The following CD99L2 variants were observed in gnomAD, a reference collection of about 807,000 sequenced individuals.
CD99L2 encodes CD99 antigen-like protein 2.
A neutral mutation model predicts 27.3 loss-of-function variants in CD99L2; 24 were observed. That is an observed-to-expected ratio of 0.88 (90% CI 0.64 to 1.24). CD99L2 has a LOEUF of 1.24. CD99L2 is among the 50% of genes most tolerant of loss of function. The pLI is 0.00. For synonymous variants in CD99L2, 97 were observed against 87.9 expected, an observed-to-expected ratio of 1.10 and a Z score of -0.58; for missense variants, 255 against 221.6, an observed-to-expected ratio of 1.15 and a Z score of -0.96.
rs1056812047 is a variant in CD99L2 at position 150,875,979 on chromosome X, C to T, written c.67+22543G>A. Among the ~76,000 whole-genome samples, 8 of 112,251 alleles carry T rather than the reference C, an allele frequency of 7.1e-5. 1 individual carries two copies. The highest frequency in any genetic ancestry group is 3.7e-4 in the South Asian group (1 of 2,708). Reference sequence around the variant, plus strand: ...TCAGCAGCATGAAAACAGACTAATACAGAATTCTTCTAAGACTGCCTTTGT... The same window carrying T: ...TCAGCAGCATGAAAACAGACTAATATAGAATTCTTCTAAGACTGCCTTTGT... On this transcript the variant is annotated intron_variant, in intron 1 of 10. Transcript: ENST00000370377.
At chrX:150,777,932 T>C (rs2045429194) in intron 7 of CD99L2, among the ~76,000 whole-genome samples, 1 of 111,961 alleles carries the variant, frequency 8.9e-6, no homozygotes, top group Non-Finnish European at 1.9e-5. Flanking sequence ...TCTTGGAACA[T>C]AAACAAATGT....
chrX:150,811,553 A>G (rs1248665985), intron 4 of CD99L2, among the ~76,000 whole-genome samples: 2 of 111,782 alleles, frequency 1.8e-5, no homozygotes, highest in East Asian at 2.8e-4. Context: ...AAATAATCCA[A>G]TGAAATCAGT....
At chrX:150,771,006 G>C (rs781803537) in intron 9 of CD99L2, among the ~76,000 whole-genome samples, 1 of 112,407 alleles carries the variant, frequency 8.9e-6, no homozygotes, top group African/African-American at 3.2e-5. Flanking sequence ...AGGGATTCGG[G>C]GACTGTACCA....
At chrX:150,778,684 AAATATAT>A (rs547701719) in intron 7 of CD99L2, among the ~76,000 whole-genome samples, 4,678 of 23,516 alleles carry the variant, frequency 0.2, 129 homozygotes, top group South Asian at 0.41. Context: ...AAAAAAAAAA[AAATATAT>A]ATATATATAT....
At chrX:150,854,828 G>A (rs1455301918) in intron 1 of CD99L2, among the ~76,000 whole-genome samples, 4 of 110,939 alleles carry the variant, frequency 3.6e-5, no homozygotes, top group Non-Finnish European at 1.9e-5. Flanking sequence ...AGAGGCCCCC[G>A]ATTATGTGGC....
chrX:150,893,221 AG>A (rs1168780609), intron 1 of CD99L2, among the ~76,000 whole-genome samples: 3 of 111,954 alleles, frequency 2.7e-5, no homozygotes, highest in Non-Finnish European at 5.6e-5. Context: ...TAAGACTAAC[AG>A]GCAGAGTCCC....
At chrX:150,789,756 G>C (rs560699641) in intron 7 of CD99L2, among the ~76,000 whole-genome samples, 22 of 111,742 alleles carry the variant, frequency 2.0e-4, no homozygotes, top group South Asian at 1.9e-3. Context: ...ATGGTGGTGC[G>C]TATCTATGGT....
intron 2 of CD99L2, among the ~76,000 whole-genome samples, chrX:150,821,623 C>T (rs1455802729): frequency 1.8e-5 from 2 of 112,261 alleles, no homozygotes; most frequent in Non-Finnish European, 3.8e-5. Context: ...ACATGCAAAG[C>T]ATGGGCAACA....
chrX:150,862,023 AC>A (rs1274259613), intron 1 of CD99L2, among the ~76,000 whole-genome samples: 1 of 111,749 alleles, frequency 8.9e-6, no homozygotes, highest in Admixed American at 9.5e-5. Flanking sequence ...CTAAGACTAA[AC>A]CAGGAAGAAG....
intron 7 of CD99L2, among the ~76,000 whole-genome samples, chrX:150,778,342 G>A (rs782081797): frequency 2.7e-5 from 3 of 109,717 alleles, no homozygotes; most frequent in Non-Finnish European, 5.7e-5. Flanking sequence ...AGAGCCCGGG[G>A]TTCTCAGGGG....
chrX:150,778,285 C>T, intron 7 of CD99L2, among the ~76,000 whole-genome samples: 1 of 110,724 alleles, frequency 9.0e-6, no homozygotes, highest in South Asian at 3.9e-4. Flanking sequence ...TCATGCCACC[C>T]TCTTCTCAGG....
At chrX:150,771,771 C>T in intron 9 of CD99L2, 1 of 1,153,311 alleles carries the variant, frequency 8.7e-7, no homozygotes, top group East Asian at 3.3e-5. Flanking sequence ...AAGGCTGAAG[C>T]AAAAGGAAAG....
intron 9 of CD99L2, among the ~76,000 whole-genome samples, chrX:150,775,144 G>C (rs1323743738): frequency 8.9e-6 from 1 of 112,491 alleles, no homozygotes; most frequent in African/African-American, 3.2e-5. Flanking sequence ...TGGGACCCAG[G>C]TTAGTTTTCT....
chrX:150,867,893 A>T (rs1260776724), intron 1 of CD99L2, among the ~76,000 whole-genome samples: 2 of 1,875 alleles, frequency 1.1e-3, no homozygotes, highest in Non-Finnish European at 2.2e-3. Context: ...ACTCTGTCTC[A>T]AAAAAAAAAA....
At chrX:150,868,345 T>C (rs904256967) in intron 1 of CD99L2, among the ~76,000 whole-genome samples, 4 of 108,601 alleles carry the variant, frequency 3.7e-5, no homozygotes, top group Non-Finnish European at 7.7e-5. Flanking sequence ...CTGGCCAACA[T>C]GGTGAAACCC....
At chrX:150,843,763 T>G (rs1387754444) in intron 1 of CD99L2, among the ~76,000 whole-genome samples, 1 of 111,330 alleles carries the variant, frequency 9.0e-6, no homozygotes, top group African/African-American at 3.3e-5. Flanking sequence ...ATGCATCATC[T>G]CAGGATTTTC....
At chrX:150,781,947 C>T (rs1354697274) in intron 7 of CD99L2, among the ~76,000 whole-genome samples, 2 of 112,223 alleles carry the variant, frequency 1.8e-5, no homozygotes, top group Admixed American at 9.4e-5. Flanking sequence ...AGCCTTGATT[C>T]CTACGTAGCC....
intron 8 of CD99L2, chrX:150,777,189 G>A: frequency 2.4e-6 from 1 of 411,521 alleles, no homozygotes; most frequent in Non-Finnish European, 4.2e-6. Context: ...AGTTTGTATT[G>A]CCAGGGTGAA....
intron 1 of CD99L2, among the ~76,000 whole-genome samples, chrX:150,873,343 A>C (rs11797259): frequency 0.23 from 25,743 of 111,383 alleles, 2,568 homozygotes; most frequent in African/African-American, 0.39. Flanking sequence ...TCCACTTACA[A>C]GAAATGTCCA....
Sources: gnomAD v4.1 joint callset for allele counts (sites outside exome capture counted in the v4.1 genomes callset) on GRCh38, gnomAD v4.1.1 for gene constraint, MANE v1.5 for transcripts, NCBI Gene and HGNC (gene_info 2026-07-23, HGNC 2026-07-21) for gene names.